C16orf96: variants seen among roughly 807,000 people sequenced by gnomAD.
C16orf96 encodes uncharacterized protein C16orf96.
In C16orf96, 108 loss-of-function variants were observed where a neutral mutation model predicts 103.6. The observed-to-expected ratio is 1.04, with a 90% confidence interval of 0.89 to 1.22. The LOEUF (loss-of-function observed/expected upper bound fraction) is 1.22. Among genes scored for constraint, C16orf96 ranks in the 50% most tolerant of loss-of-function variants. The pLI is 0.00. For synonymous variants in C16orf96, 566 were observed against 593.5 expected (o/e 0.95, Z 0.67); for missense variants, 1,586 against 1,464.2 (o/e 1.08, Z -1.36).
At chr16:4,578,257 C>T (rs2059538203) in intron 5 of C16orf96, among the ~76,000 whole-genome samples, 1 of 152,082 alleles carries the variant, frequency 6.6e-6, no homozygotes, top group Admixed American at 6.6e-5. Flanking sequence ...ATTCTCCTGC[C>T]TCAGCCTTCC....
chr16:4,548,223 C>T, the C16orf96 span, among the ~76,000 whole-genome samples: 1 of 152,180 alleles, frequency 6.6e-6, no homozygotes, highest in African/African-American at 2.4e-5. Flanking sequence ...CAGGAGCCCA[C>T]GGCTGTCCTG....
rs1375475219 is a variant in C16orf96, at chr16:4,588,278, G to T, written c.2539G>T (p.Glu847Ter). Reference sequence around the variant, plus strand: ...CATACTCTTCAAGGTCACGATCCATGAGGACAGCTGGAAGAAGGCTATGGA... The same window carrying T: ...CATACTCTTCAAGGTCACGATCCATTAGGACAGCTGGAAGAAGGCTATGGA... ...QGILFKVTIH[E>*]DSWKKAMEEL... The change falls in exon 9 of 16, where the codon GAG becomes TAG. Residue 847 changes from glutamate (E) to a stop codon, truncating the protein, a stop_gained. Transcript: ENST00000444310. LOFTEE classifies it high-confidence loss of function. 1.9e-6 allele frequency: 3 copies of T among 1,551,742 alleles called. No homozygotes were observed. The highest frequency in any genetic ancestry group is 2.4e-5 in the South Asian group (2 of 84,062).
chr16:4,562,971 T>TG, intron 1 of C16orf96: 1 of 1,291,650 alleles, frequency 7.7e-7, no homozygotes, highest in South Asian at 1.2e-5. Context: ...TTTAAAATCT[T>TG]GAACGCCAAC....
chr16:4,551,646 G>A (rs986515458), upstream of C16orf96, among the ~76,000 whole-genome samples: 2 of 64,096 alleles, frequency 3.1e-5, no homozygotes, highest in African/African-American at 1.4e-4. Context: ...GTAGAGATGG[G>A]GTTTCACCAT....
Position 4,594,732 on chromosome 16 carries a change from G to A in C16orf96, c.3056G>A (p.Gly1019Glu). The A allele has an allele frequency of 6.4e-7, 1 of 1,551,324 alleles. No homozygotes were observed. The highest frequency in any genetic ancestry group is 8.7e-7 in the Non-Finnish European group (1 of 1,146,944). ...GAGGTGGACATCCTGGGCGTGGATG[G>A]GATCCTGTACAAAGGCCGCGTGAAC... is the stretch of plus-strand genomic sequence containing the variant. ...SAEVDILGVDGILYKGRVNSQ... is the reference protein window; with the variant it reads ...SAEVDILGVDEILYKGRVNSQ... The change falls in exon 14 of 16, where the codon GGG becomes GAG. Residue 1019 changes from glycine (G) to glutamate (E), a missense_variant. Coordinates refer to ENST00000444310, the MANE Select transcript of C16orf96 (RefSeq NM_001145011.2).
the C16orf96 span, among the ~76,000 whole-genome samples, chr16:4,540,449 C>T: frequency 2.0e-5 from 3 of 152,082 alleles, no homozygotes; most frequent in Non-Finnish European, 4.4e-5. Context: ...TTTAAGAACT[C>T]TGGCCAGGCG....
chr16:4,571,700 C>T (rs1448304676), intron 2 of C16orf96, 35 bp downstream of exon 2: 18 of 1,499,886 alleles, frequency 1.2e-5, no homozygotes, highest in African/African-American at 1.0e-4. Context: ...ATGCCAGCTG[C>T]GTTGCTCAGG....
chr16:4,541,135 A>G, the C16orf96 span, among the ~76,000 whole-genome samples: 2 of 151,204 alleles, frequency 1.3e-5, no homozygotes, highest in Non-Finnish European at 2.9e-5. Flanking sequence ...GCTGGTGTCG[A>G]TCTCCTCACC....
chr16:4,555,493 C>T (rs1371067282), upstream of C16orf96, among the ~76,000 whole-genome samples: 3 of 151,716 alleles, frequency 2.0e-5, no homozygotes, highest in Non-Finnish European at 4.4e-5. Context: ...CTGCCTCAGC[C>T]TCCAGAGTAG....
chr16:4,561,830 CGT>C (rs1567438426), intron 1 of C16orf96, among the ~76,000 whole-genome samples: 1 of 151,962 alleles, frequency 6.6e-6, no homozygotes, highest in African/African-American at 2.4e-5. Flanking sequence ...GGCAAACAAA[CGT>C]GTTTTACAAT....
At chr16:4,589,559 C>A (rs1897008673) in intron 9 of C16orf96, among the ~76,000 whole-genome samples, 1 of 149,900 alleles carries the variant, frequency 6.7e-6, no homozygotes. Flanking sequence ...GCCTGGGCAG[C>A]AGGAGCACCC....
At chr16:4,578,125 T>A (rs560286935) in intron 5 of C16orf96, among the ~76,000 whole-genome samples, 49 of 152,064 alleles carry the variant, frequency 3.2e-4, no homozygotes, top group South Asian at 1.5e-3. Context: ...AAACAAAATT[T>A]AAAAAAAAAT....
chr16:4,580,415 T>C (rs1010070349), intron 7 of C16orf96, among the ~76,000 whole-genome samples: 1 of 147,722 alleles, frequency 6.8e-6, no homozygotes, highest in African/African-American at 2.5e-5. Flanking sequence ...CTCCATCACA[T>C]TTGCTGAATG....
In C16orf96 at chr16:4,556,379, ACCAC is replaced by A. The variant is rs1289994466; in HGVS notation, c.-108_-105del. ...TCCTCCCTGACTGCTGTGACTCACCACCACCCCAGGCCTCTGAGGACCAGTCCAT... is the reference window on the plus strand; with the variant it reads ...TCCTCCCTGACTGCTGTGACTCACCACCCAGGCCTCTGAGGACCAGTCCAT... On this transcript the variant is annotated 5_prime_UTR_variant, in exon 1 of 16. Transcript: ENST00000444310. The A allele has an allele frequency of 1.7e-6, 2 of 1,154,140 alleles. No homozygotes were observed. Among genetic ancestry groups the A allele is most frequent in the Admixed American group, 5.8e-5 (2 of 34,748 alleles). The allele number at this position is 1,154,140 out of a possible 1,614,324, so 71.5% of individuals were successfully genotyped here.
intron 1 of C16orf96, among the ~76,000 whole-genome samples, chr16:4,559,609 T>TCAAC (rs1290244551): frequency 2.0e-5 from 3 of 151,924 alleles, no homozygotes; most frequent in Admixed American, 2.0e-4. Context: ...TAACATAAAA[T>TCAAC]CAACCATTTA....
the C16orf96 span, among the ~76,000 whole-genome samples, chr16:4,542,719 A>G: frequency 2.6e-5 from 4 of 152,260 alleles, no homozygotes; most frequent in East Asian, 1.9e-4. Context: ...AATAGCTTCA[A>G]CTGGGAGGCG....
In C16orf96 at chr16:4,600,099, G is replaced by A. The variant is rs904007614; in HGVS notation, c.3209-1G>A. ...CTAGGGTTTCTCCTGCCCCTCCCCA[G>A]CCCTGTGCCCCCGCTCCAGTGCCTG... On this transcript the variant is annotated splice_acceptor_variant, in intron 15 of 15. Transcript: ENST00000444310. LOFTEE classifies it high-confidence loss of function. 1.2e-5 allele frequency: 19 copies of A among 1,550,840 alleles called. No homozygotes were observed. In the East Asian group the frequency reaches 4.6e-4, roughly 38 times the overall value.
intron 15 of C16orf96, 87 bp from the exon 16 acceptor site, chr16:4,600,013 T>G (rs1897249969): frequency 2.3e-6 from 3 of 1,306,770 alleles, no homozygotes; most frequent in African/African-American, 1.5e-5. Context: ...GGGCTTCTCT[T>G]CTCTTTAGTG....
intron 7 of C16orf96, among the ~76,000 whole-genome samples, chr16:4,583,306 G>T (rs1382325785): frequency 1.3e-5 from 2 of 151,976 alleles, no homozygotes; most frequent in Non-Finnish European, 2.9e-5. Flanking sequence ...TTCAGGACGA[G>T]CCTGGACAAT....
Sources: allele counts gnomAD v4.1 joint callset (sites outside exome capture counted in the v4.1 genomes callset), GRCh38; gene constraint gnomAD v4.1.1; transcripts MANE v1.5; gene names NCBI Gene and HGNC (gene_info 2026-07-23, HGNC 2026-07-21).